Variants in ITFG2 observed in about 807,000 individuals in gnomAD.
ITFG2 encodes KICSTOR complex protein ITFG2.
ITFG2 carries 36 observed loss-of-function variants against 54.4 expected under a neutral mutation model. The observed-to-expected ratio is 0.66, with a 90% CI of 0.51 to 0.87. The LOEUF is 0.87. ITFG2 is among the 40% of genes least tolerant of loss of function. The pLI, the probability that ITFG2 is intolerant of heterozygous loss-of-function variation, is 0.00. For synonymous variants in ITFG2, 211 were observed against 225.4 expected, an observed-to-expected ratio of 0.94 and a Z score of 0.57; for missense variants, 524 against 576.7, an observed-to-expected ratio of 0.91 and a Z score of 0.94.
At chr12:2,854,624 A>G (rs2098081433) in intron 2 of ITFG2, among the ~76,000 whole-genome samples, 1 of 152,208 alleles carries the variant, frequency 6.6e-6, no homozygotes, top group Non-Finnish European at 1.5e-5. Context: ...CCTTGAGGGC[A>G]GGCACTGAGT....
intron 2 of ITFG2, chr12:2,857,042 A>G: frequency 1.4e-6 from 1 of 702,834 alleles, no homozygotes; most frequent in Non-Finnish European, 2.6e-6. Flanking sequence ...TGGGCCTCAG[A>G]GCCAGGAGGG....
intron 1 of ITFG2, among the ~76,000 whole-genome samples, chr12:2,815,728 A>G (rs565147474): frequency 4.5e-4 from 68 of 152,344 alleles, no homozygotes; most frequent in African/African-American, 1.6e-3. Context: ...AGAGCTGTTC[A>G]GGTCGCATAC....
chr12:2,830,828 C>T, intron 2 of ITFG2: 1 of 1,613,712 alleles, frequency 6.2e-7, no homozygotes, highest in Non-Finnish European at 8.5e-7. Context: ...GGTTTCCCTC[C>T]ACCAGGCGTC....
chr12:2,844,007 C>A (rs1294577984), intron 2 of ITFG2, among the ~76,000 whole-genome samples: 1 of 148,602 alleles, frequency 6.7e-6, no homozygotes, highest in Non-Finnish European at 1.5e-5. Flanking sequence ...CGCCTGTAAT[C>A]CCAGGACTTT....
intron 1 of ITFG2, among the ~76,000 whole-genome samples, chr12:2,813,167 G>GC (rs2097913368): frequency 6.6e-6 from 1 of 152,210 alleles, no homozygotes; most frequent in South Asian, 2.1e-4. Flanking sequence ...CTCCCAAGGG[G>GC]CTGGGATTAC....
At chr12:2,848,366 A>G (rs939363137) in intron 2 of ITFG2, among the ~76,000 whole-genome samples, 2 of 152,158 alleles carry the variant, frequency 1.3e-5, no homozygotes, top group Non-Finnish European at 2.9e-5. Flanking sequence ...AGCCAGGGCC[A>G]ACACCATTCT....
rs575221487 is a variant in ITFG2 at position 2,839,933 on chromosome 12, A to G, written n.147-909A>G. 1.2e-4 allele frequency among the ~76,000 whole-genome samples: 18 copies of G among 152,316 alleles called. No individual in the cohort carries two copies. In the East Asian group the frequency reaches 1.9e-3, roughly 16 times the overall value. ...ACAAATGGACACGAAGATGGGAACA[A>G]CAGACACTGGAGACTCCAAAAGCGA... On this transcript the variant is annotated intron_variant and non_coding_transcript_variant, in intron 1 of 3. Transcript: ENST00000537710.
rs989261422 is a variant in ITFG2, at chr12:2,841,719, A to AG, written n.300+724_300+725insG. Reference sequence around the variant, plus strand: ...TAATTGATTGCATTACTTTATATTGATTTTTTTTTTTTTCTTTGAGACAGA... The same window carrying AG: ...TAATTGATTGCATTACTTTATATTGAGTTTTTTTTTTTTTCTTTGAGACAGA... On this transcript the variant is annotated intron_variant and non_coding_transcript_variant, in intron 2 of 3. Transcript: ENST00000537710. Among the ~76,000 whole-genome samples, 340 of 147,612 alleles carry AG rather than the reference A, an allele frequency of 2.3e-3. 2 individuals carry two copies. The highest frequency in any genetic ancestry group is 8.0e-3 in the African/African-American group (323 of 40,608).
rs2097943617 is a variant in ITFG2, at chr12:2,821,338, C to G, written c.772C>G (p.Leu258Val). The part of the protein sequence containing the change: ...RIHNKNVSTH[L>V]IGNIKQGHGT... ...CCACAACAAGAATGTCTCCACTCAC[C>G]TAATTGGCAACATCAAACAAGGTGA... Residue 258 changes from leucine to valine, a missense_variant, in exon 7 of 12, where the codon CTA becomes GTA. Coordinates refer to ENST00000228799, the MANE Select transcript of ITFG2 (RefSeq NM_018463.4). 3.7e-6 allele frequency: 6 copies of G among 1,608,906 alleles called. No individual in the cohort carries two copies. The highest frequency in any genetic ancestry group is 4.2e-6 in the Non-Finnish European group (5 of 1,177,546).
At chr12:2,836,086 C>T (rs1297401735), upstream of ITFG2, among the ~76,000 whole-genome samples, 2 of 152,214 alleles carry the variant, frequency 1.3e-5, no homozygotes, top group Non-Finnish European at 2.9e-5. Flanking sequence ...TATTTTTGCA[C>T]ACATCTCCTG....
chr12:2,853,181 C>T (rs989524918), intron 2 of ITFG2, among the ~76,000 whole-genome samples: 2 of 152,160 alleles, frequency 1.3e-5, no homozygotes, highest in African/African-American at 4.8e-5. Flanking sequence ...CACCTATCAG[C>T]AACTGGCAAT....
chr12:2,837,492 CT>C (rs2098031444), intron 1 of ITFG2, among the ~76,000 whole-genome samples: 1 of 151,878 alleles, frequency 6.6e-6, no homozygotes, highest in African/African-American at 2.4e-5. Context: ...AAAAAATTAG[CT>C]GGGCATGGTG....
intron 2 of ITFG2, chr12:2,849,280 G>A (rs779956661): frequency 1.3e-6 from 2 of 1,536,142 alleles, no homozygotes; most frequent in South Asian, 2.4e-5. Flanking sequence ...GGATTTGCTT[G>A]CTTGTGCCTT....
At chr12:2,814,216 A>C (rs896517608) in intron 1 of ITFG2, among the ~76,000 whole-genome samples, 5 of 152,350 alleles carry the variant, frequency 3.3e-5, no homozygotes, top group African/African-American at 1.2e-4. Context: ...AAGTGCTGGA[A>C]TTACAGGTGT....
At chr12:2,830,334 G>C (rs1027353377) in intron 2 of ITFG2, 14 of 166,926 alleles carry the variant, frequency 8.4e-5, no homozygotes, top group African/African-American at 3.3e-4. Context: ...TAGTGACTGA[G>C]TGGTTAAGTG....
chr12:2,827,698 C>A, downstream of ITFG2: 1 of 1,613,904 alleles, frequency 6.2e-7, no homozygotes, highest in East Asian at 2.2e-5. This position sits in a 1 kb window ranked among gnomAD's most constrained non-coding sequence, Gnocchi z 4.0. Flanking sequence ...AATTTGAAAA[C>A]AGAAGAGGCT....
In ITFG2 at chr12:2,859,606, C is replaced by T. The variant is rs535412629; in HGVS notation, n.693C>T. On this transcript the variant is annotated non_coding_transcript_exon_variant, in exon 4 of 4. Transcript: ENST00000537710. ...AACCCTTCTCCAAACAGGAGTTTCTCCTCTTTCCCTGGTCCTGCAGAAGAA... is the reference window on the plus strand; with the variant it reads ...AACCCTTCTCCAAACAGGAGTTTCTTCTCTTTCCCTGGTCCTGCAGAAGAA... 15 of 1,613,174 alleles carry T rather than the reference C, an allele frequency of 9.3e-6. No individual in the cohort carries two copies. The African/African-American group carries it at 1.9e-4, about 20-fold the overall frequency.
intron 1 of ITFG2, among the ~76,000 whole-genome samples, chr12:2,837,957 A>T (rs1337838155): frequency 6.6e-6 from 1 of 152,200 alleles, no homozygotes; most frequent in African/African-American, 2.4e-5. Context: ...GAGAATACTG[A>T]TAGAGATGAT....
At chr12:2,832,266 G>T (rs542378188), upstream of ITFG2, among the ~76,000 whole-genome samples, 1 of 151,722 alleles carries the variant, frequency 6.6e-6, no homozygotes, top group Non-Finnish European at 1.5e-5. Context: ...ACCCTACCCC[G>T]CATTGCTTTC....
Sources: gnomAD v4.1 joint callset for allele counts (sites outside exome capture counted in the v4.1 genomes callset) on GRCh38, gnomAD v4.1.1 for gene constraint, Gnocchi (gnomAD v3.1) non-coding constraint, MANE v1.5 for transcripts, NCBI Gene and HGNC (gene_info 2026-07-23, HGNC 2026-07-21) for gene names.